The following KIF26B variants were observed in gnomAD, a reference collection of about 807,000 sequenced individuals.
The protein encoded by KIF26B is kinesin-like protein KIF26B.
A neutral mutation model predicts 151.2 loss-of-function variants in KIF26B; 63 were observed. The observed-to-expected ratio is 0.42, with a 90% CI of 0.34 to 0.51. The LOEUF (loss-of-function observed/expected upper bound fraction) is 0.51, where lower values mean the gene tolerates loss of function less well. Ranked by LOEUF, KIF26B falls within the 20% of genes least tolerant of loss-of-function variation. The pLI is 0.07. For missense variants in KIF26B, 2,813 were observed against 2,913.6 expected (o/e 0.97, Z 0.79); for synonymous variants, 1,357 against 1,262.1 (o/e 1.08, Z -1.59).
chr1:245,556,594 G>T (rs1316771405), intron 5 of KIF26B, among the ~76,000 whole-genome samples: 1 of 152,250 alleles, frequency 6.6e-6, no homozygotes, highest in East Asian at 1.9e-4. Context: ...TAGAGATGGG[G>T]TTTTGCCATG....
rs374638007 is a variant in KIF26B at position 245,685,518 on chromosome 1, C to T, written c.2535C>T (p.Ile845=). 127 of 1,613,750 alleles carry T rather than the reference C, an allele frequency of 7.9e-5. 1 individual carries two copies. The African/African-American group carries it at 1.0e-3, about 13-fold the overall frequency. ...CCACGGTGGACCCTGACTTCCCCAT[C>T]GCTCACCTGTCCAGCGACCCCGACT... is the stretch of plus-strand genomic sequence containing the variant. The part of the protein sequence containing the change: ...TRATVDPDFP[I]AHLSSDPDYS... The change falls in exon 12 of 15, where the codon ATC becomes ATT. Residue 845 remains isoleucine (I), a synonymous_variant. Transcript: ENST00000407071.
intron 5 of KIF26B, among the ~76,000 whole-genome samples, chr1:245,552,685 T>C (rs1175803823): frequency 6.6e-6 from 1 of 150,716 alleles, no homozygotes; most frequent in Non-Finnish European, 1.5e-5. Context: ...CGATCTTGGC[T>C]CCCTGCAACC....
intron 5 of KIF26B, among the ~76,000 whole-genome samples, chr1:245,586,035 C>T (rs888260991): frequency 6.6e-6 from 1 of 152,162 alleles, no homozygotes; most frequent in African/African-American, 2.4e-5. Flanking sequence ...GCCTCTGTGA[C>T]CCAGGCTGGA....
At chr1:245,551,445 G>A (rs564497664) in intron 5 of KIF26B, among the ~76,000 whole-genome samples, 1 of 152,134 alleles carries the variant, frequency 6.6e-6, no homozygotes, top group Non-Finnish European at 1.5e-5. Context: ...CTCGCTGGGA[G>A]GTATTTTTAT....
At chr1:245,373,891 C>T (rs1179708246) in intron 3 of KIF26B, among the ~76,000 whole-genome samples, 1 of 149,890 alleles carries the variant, frequency 6.7e-6, no homozygotes, top group South Asian at 2.1e-4. Context: ...AAAACCCCTT[C>T]TCTACACAGA....
At chr1:245,338,328 G>T (rs1000148950) in intron 2 of KIF26B, among the ~76,000 whole-genome samples, 1 of 152,170 alleles carries the variant, frequency 6.6e-6, no homozygotes, top group Non-Finnish European at 1.5e-5. Flanking sequence ...AGTTTTATTG[G>T]AAACAACCAT....
chr1:245,484,874 C>CT (rs1372274207), intron 4 of KIF26B, among the ~76,000 whole-genome samples: 6 of 151,174 alleles, frequency 4.0e-5, no homozygotes, highest in East Asian at 1.9e-4. Context: ...CTGAGAGTTG[C>CT]TTTTTTTTGA....
chr1:245,189,320 G>A (rs1669054527), intron 2 of KIF26B, among the ~76,000 whole-genome samples: 1 of 152,180 alleles, frequency 6.6e-6, no homozygotes, highest in African/African-American at 2.4e-5. Context: ...GGTCTGGAAA[G>A]TGAACTCTGG....
intron 4 of KIF26B, among the ~76,000 whole-genome samples, chr1:245,453,967 A>G (rs1456685659): frequency 6.6e-6 from 1 of 152,228 alleles, no homozygotes. Context: ...GGCATGGGCC[A>G]CAAACCCACC....
intron 10 of KIF26B, among the ~76,000 whole-genome samples, chr1:245,662,758 T>G (rs57316478): frequency 1.0e-5 from 1 of 100,406 alleles, no homozygotes; most frequent in Admixed American, 1.1e-4. Flanking sequence ...ATGATATATA[T>G]ACACACACAC....
In KIF26B at chr1:245,419,572, T is replaced by C. The variant is rs568405928; in HGVS notation, c.1000-7T>C. 1 of 1,605,460 alleles carries C rather than the reference T, an allele frequency of 6.2e-7. No individual in the cohort carries two copies. Among genetic ancestry groups the C allele is most frequent in the South Asian group, 1.1e-5 (1 of 89,976 alleles). On this transcript the variant is annotated splice_region_variant and splice_polypyrimidine_tract_variant and intron_variant, in intron 3 of 14. Coordinates refer to ENST00000407071, the MANE Select transcript of KIF26B (RefSeq NM_018012.4). ...GTAATGAGCTCCGTATCCATTTTCT[T>C]TGTCAGATCTCCCAGCTGATGACAG... is the stretch of plus-strand genomic sequence containing the variant.
Position 245,290,391 on chromosome 1 carries a change from G to A in KIF26B, c.466-76443G>A, listed in dbSNP as rs138946585. On this transcript the variant is annotated intron_variant, in intron 2 of 14. Transcript: ENST00000407071. ...TTATTAGAGAAGTAAAGAAACAAAA[G>A]TATGGCTACTGCACAGACAGATCAG... Among the ~76,000 whole-genome samples the A allele has an allele frequency of 2.7e-3, 416 of 152,314 alleles. 2 individuals carry two copies. The highest frequency in any genetic ancestry group is 9.1e-3 in the African/African-American group (380 of 41,568).
chr1:245,586,516 G>T (rs2043225209), intron 5 of KIF26B, among the ~76,000 whole-genome samples: 1 of 152,138 alleles, frequency 6.6e-6, no homozygotes, highest in Non-Finnish European at 1.5e-5. Flanking sequence ...GAGGAAAGGA[G>T]TCCCTCCACA....
At chr1:245,261,029 G>GTCTT (rs963223246) in intron 2 of KIF26B, among the ~76,000 whole-genome samples, 1 of 116,578 alleles carries the variant, frequency 8.6e-6, no homozygotes, top group Admixed American at 8.7e-5. Context: ...CTTCCTCTCT[G>GTCTT]TCTTTCTTTC....
intron 2 of KIF26B, among the ~76,000 whole-genome samples, chr1:245,173,758 C>G (rs552230030): frequency 6.6e-6 from 1 of 152,200 alleles, no homozygotes; most frequent in African/African-American, 2.4e-5. Flanking sequence ...GAGTCCCCCC[C>G]ACCTTTTTCT....
chr1:245,424,614 G>A (rs1185339785), intron 4 of KIF26B, among the ~76,000 whole-genome samples: 2 of 152,182 alleles, frequency 1.3e-5, no homozygotes, highest in African/African-American at 4.8e-5. Context: ...AATAAGCAGT[G>A]TGTGGTCTGT....
At position 245,430,805 on chromosome 1, in the gene KIF26B, T is replaced by C. The variant is rs966808727; in HGVS notation, c.1166+11060T>C. Among the ~76,000 whole-genome samples the C allele has an allele frequency of 2.0e-5, 3 of 152,110 alleles. 1 individual carries two copies. The South Asian group carries it at 6.2e-4, about 32-fold the overall frequency. ...GTGTTTTTATCCCATTGTTTAGACG[T>C]GGAAACTGAAGCACAGAGGGCAGAA... On this transcript the variant is annotated intron_variant, in intron 4 of 14. Coordinates refer to ENST00000407071, the MANE Select transcript of KIF26B (RefSeq NM_018012.4).
chr1:245,499,821 C>T (rs1660584105), intron 4 of KIF26B, among the ~76,000 whole-genome samples: 1 of 152,186 alleles, frequency 6.6e-6, no homozygotes, highest in African/African-American at 2.4e-5. Context: ...GGTATTCAGG[C>T]TGGTAGGTCT....
chr1:245,446,334 G>A (rs979624778), intron 4 of KIF26B, among the ~76,000 whole-genome samples: 11 of 152,270 alleles, frequency 7.2e-5, no homozygotes, highest in Middle Eastern at 3.4e-3. Flanking sequence ...GTTCTGTGAC[G>A]CATGGCCATA....
Sources: gnomAD v4.1 joint callset for allele counts (sites outside exome capture counted in the v4.1 genomes callset) on GRCh38, gnomAD v4.1.1 for gene constraint, MANE v1.5 for transcripts, NCBI Gene and HGNC (gene_info 2026-07-23, HGNC 2026-07-21) for gene names.